UBA2: variants seen among roughly 807,000 people sequenced by gnomAD.
UBA2 encodes the protein SUMO-activating enzyme subunit 2.
A neutral mutation model predicts 77.2 loss-of-function variants in UBA2; 11 were observed. The observed-to-expected ratio is 0.14, with a 90% CI of 0.09 to 0.24. The LOEUF (loss-of-function observed/expected upper bound fraction) is 0.24, where lower values mean the gene tolerates loss of function less well. Ranked by LOEUF, UBA2 falls within the 10% of genes least tolerant of loss-of-function variation. The probability of loss-of-function intolerance (pLI) is 1.00; values close to 1 mark genes in which losing one functional copy is unlikely to be tolerated. For synonymous variants in UBA2, 278 were observed against 276.7 expected (o/e 1.00, Z -0.05); for missense variants, 487 against 781.7 (o/e 0.62, Z 4.50).
intron 6 of UBA2, among the ~76,000 whole-genome samples, chr19:34,442,114 G>A (rs1284600789): frequency 6.6e-6 from 1 of 151,470 alleles, no homozygotes; most frequent in African/African-American, 2.4e-5. Flanking sequence ...ACATGCCTGT[G>A]GTCCCAGCTA....
At chr19:34,436,424 C>T (rs1388905978) in intron 5 of UBA2, among the ~76,000 whole-genome samples, 1 of 152,184 alleles carries the variant, frequency 6.6e-6, no homozygotes, top group Admixed American at 6.5e-5. Flanking sequence ...CTCAGTCTCC[C>T]GAGTAGCTGG....
At chr19:34,451,054 T>A (rs1402990205) in intron 9 of UBA2, among the ~76,000 whole-genome samples, 5 of 152,102 alleles carry the variant, frequency 3.3e-5, no homozygotes, top group Non-Finnish European at 7.4e-5. Context: ...GTGCAGTGGC[T>A]GTTCACAGGC....
intron 4 of UBA2, among the ~76,000 whole-genome samples, chr19:34,434,086 CTAAA>C (rs2145493144): frequency 6.6e-6 from 1 of 152,228 alleles, no homozygotes; most frequent in South Asian, 2.1e-4. Flanking sequence ...CCAGAAATAT[CTAAA>C]TAAAAAACAC....
intron 12 of UBA2, among the ~76,000 whole-genome samples, chr19:34,457,179 A>ATATATATATATATATATAT (rs1555730726): frequency 7.5e-5 from 4 of 53,216 alleles, no homozygotes; most frequent in African/African-American, 2.3e-4. Context: ...AAAAAAAAAA[A>ATATATATATATATATATAT]ATATATATAT....
intron 14 of UBA2, among the ~76,000 whole-genome samples, chr19:34,461,664 C>G (rs910313779): frequency 2.0e-5 from 3 of 152,140 alleles, no homozygotes; most frequent in Non-Finnish European, 4.4e-5. Flanking sequence ...ACAGCACTTA[C>G]CAGAATATGT....
intron 8 of UBA2, among the ~76,000 whole-genome samples, chr19:34,448,283 T>C (rs1031519430): frequency 1.1e-4 from 17 of 151,970 alleles, no homozygotes; most frequent in African/African-American, 4.1e-4. Flanking sequence ...ATGTATATGG[T>C]GAAGATCAGT....
rs202044629 is a variant in UBA2 at position 34,444,044 on chromosome 19, G to T, written c.649+133G>T. On this transcript the variant is annotated intron_variant, in intron 7 of 16. Coordinates refer to ENST00000246548, the MANE Select transcript of UBA2 (RefSeq NM_005499.3). ...TGTGTTTAACATGTGTTTTTTTTTT[G>T]TTTTTTTTTTTTTTTTTTTTTTTTG... 8.7e-3 allele frequency: 1,524 copies of T among 175,344 alleles called. 23 individuals are homozygous for T. The highest frequency in any genetic ancestry group is 0.021 in the African/African-American group (468 of 22,640). 10.9% of individuals were successfully genotyped at this position (175,344 alleles called of 1,614,324 possible). A position where few individuals can be genotyped will look rare whatever the true frequency, so the allele number is the denominator to read the frequency against.
intron 12 of UBA2, among the ~76,000 whole-genome samples, chr19:34,455,536 G>A (rs927917801): frequency 2.6e-5 from 4 of 152,010 alleles, no homozygotes; most frequent in African/African-American, 4.8e-5. Flanking sequence ...TGTTGTTTAG[G>A]TTCTCCTTTT....
At chr19:34,452,518 A>T (rs1161131517) in intron 10 of UBA2, among the ~76,000 whole-genome samples, 1 of 152,182 alleles carries the variant, frequency 6.6e-6, no homozygotes, top group Non-Finnish European at 1.5e-5. Flanking sequence ...AAATAGTAAG[A>T]TTGTCTTTGA....
chr19:34,448,639 G>A (rs1354523785), intron 8 of UBA2, among the ~76,000 whole-genome samples: 1 of 152,124 alleles, frequency 6.6e-6, no homozygotes, highest in Non-Finnish European at 1.5e-5. Context: ...GTGTAGAGGG[G>A]TTGGGGGAGG....
chr19:34,436,149 C>CT (rs999103053), intron 5 of UBA2, among the ~76,000 whole-genome samples: 1 of 151,240 alleles, frequency 6.6e-6, no homozygotes, highest in African/African-American at 2.4e-5. Flanking sequence ...ATTCTGTTGT[C>CT]TAAGAGTCTG....
chr19:34,432,065 G>A (rs553168237), intron 3 of UBA2, 134 bp downstream of exon 3: 1 of 607,682 alleles, frequency 1.6e-6, no homozygotes, highest in Admixed American at 3.2e-5. Context: ...TCTGCTTACA[G>A]AGTGGCATTC....
At chr19:34,428,728 C>G (rs575484019) in intron 1 of UBA2, 158 bp downstream of exon 1, 17 of 1,151,584 alleles carry the variant, frequency 1.5e-5, no homozygotes, top group East Asian at 3.3e-5. Flanking sequence ...GTGCCCCCCC[C>G]GCGGGAGGAG....
chr19:34,430,806 T>G, intron 2 of UBA2, 147 bp downstream of exon 2: 2 of 596,278 alleles, frequency 3.4e-6, no homozygotes, highest in Non-Finnish European at 3.0e-6. Context: ...ATATATCAAG[T>G]AAAGGACTAA....
intron 9 of UBA2, among the ~76,000 whole-genome samples, chr19:34,451,536 GTTTTTTT>G (rs773178552): frequency 1.6e-5 from 1 of 62,944 alleles, no homozygotes; most frequent in African/African-American, 6.3e-5. Flanking sequence ...AGGTTTAACA[GTTTTTTT>G]TTTTTTTTTT....
At position 34,469,508 on chromosome 19, in the gene UBA2, T is replaced by C. The variant is rs898758152; in HGVS notation, c.*287T>C. On this transcript the variant is annotated 3_prime_UTR_variant, in exon 17 of 17. Transcript: ENST00000246548. ...CCTTTTTAATGTAAATACCCGTAGG[T>C]ATCATTAATAGTTTCAAAATATTGT... The C allele has an allele frequency of 3.4e-5, 6 of 175,128 alleles. No homozygotes were observed. Among genetic ancestry groups the C allele is most frequent in the African/African-American group, 1.4e-4 (6 of 42,384 alleles). 10.8% of individuals were successfully genotyped at this position (175,128 alleles called of 1,614,324 possible). A position where few individuals can be genotyped will look rare whatever the true frequency, so the allele number is the denominator to read the frequency against.
intron 6 of UBA2, among the ~76,000 whole-genome samples, chr19:34,439,069 G>A (rs1459233105): frequency 1.3e-5 from 2 of 152,048 alleles, no homozygotes; most frequent in African/African-American, 2.4e-5. Flanking sequence ...TTAGTTGGCC[G>A]TGATGGCGAG....
chr19:34,457,179 A>AAAAATATATATATATATATATATAT (rs1262007864), intron 12 of UBA2, among the ~76,000 whole-genome samples: 10 of 53,218 alleles, frequency 1.9e-4, no homozygotes, highest in South Asian at 1.1e-3. Context: ...AAAAAAAAAA[A>AAAAATATATATATATATATATATAT]ATATATATAT....
chr19:34,434,460 A>T (rs1468213469), intron 4 of UBA2, among the ~76,000 whole-genome samples: 1 of 152,164 alleles, frequency 6.6e-6, no homozygotes, highest in Admixed American at 6.6e-5. Flanking sequence ...CCCTAGCCTT[A>T]AACTACTTTA....
Sources: gnomAD v4.1 joint callset for allele counts (sites outside exome capture counted in the v4.1 genomes callset) on GRCh38, gnomAD v4.1.1 for gene constraint, MANE v1.5 for transcripts, NCBI Gene and HGNC (gene_info 2026-07-23, HGNC 2026-07-21) for gene names.